The following MARCHF1 variants were observed in gnomAD, a reference collection of about 807,000 sequenced individuals.
MARCHF1 encodes membrane associated ring-CH-type finger 1.
A neutral mutation model predicts 54.2 loss-of-function variants in MARCHF1; 40 were observed. The observed-to-expected ratio is 0.74, with a 90% confidence interval of 0.57 to 0.96. The LOEUF (loss-of-function observed/expected upper bound fraction) is 0.96, where lower values mean the gene tolerates loss of function less well. MARCHF1 is among the 40% of genes least tolerant of loss of function. The pLI, the probability that MARCHF1 is intolerant of heterozygous loss-of-function variation, is 0.00. For missense variants in MARCHF1, 586 were observed against 656.5 expected, an observed-to-expected ratio of 0.89 and a Z score of 1.17; for synonymous variants, 236 against 236.3, an observed-to-expected ratio of 1.00 and a Z score of 0.01.
chr4:164,214,741 A>G lies in MARCHF1; in HGVS notation c.-322-103079T>C, dbSNP rs1404733962. Among the ~76,000 whole-genome samples, 9 of 152,382 alleles carry G rather than the reference A, an allele frequency of 5.9e-5. No homozygotes were observed. The East Asian group carries it at 1.7e-3, about 29-fold the overall frequency. The stretch of plus-strand genomic sequence containing the variant: ...AAAAAATTATAATGCCTTTTAAATT[A>G]TAACTCAATAATGCCTATAATGTGG... On this transcript the variant is annotated intron_variant, in intron 1 of 9. Transcript: ENST00000514618.
chr4:163,958,737 T>A (rs1752281404), intron 3 of MARCHF1, among the ~76,000 whole-genome samples: 1 of 151,986 alleles, frequency 6.6e-6, no homozygotes, highest in Non-Finnish European at 1.5e-5. Flanking sequence ...AAATTACAGG[T>A]AAAATTATTG....
At chr4:164,104,994 A>C (rs1172471600) in intron 2 of MARCHF1, among the ~76,000 whole-genome samples, 1 of 50,802 alleles carries the variant, frequency 2.0e-5, no homozygotes, top group East Asian at 3.1e-4. Context: ...GAGCCAAATC[A>C]TGAGTGAACT....
At position 163,612,554 on chromosome 4, in the gene MARCHF1, A is replaced by G. The variant is rs1741378481; in HGVS notation, c.727T>C (p.Cys243Arg). Residue 243 changes from cysteine to arginine, a missense_variant, in exon 7 of 10, where the codon TGC (cysteine) becomes CGC (arginine). By Grantham distance (180) the Cys-to-Arg change is radical. Coordinates refer to ENST00000514618, the MANE Select transcript of MARCHF1 (RefSeq NM_001394959.1). ...GACCCTTGAGTCAGAGAAGGGTTGC[A>G]TTCTTGGTACCTTGTATGTTTTCCT... ...HRGKHTRYQE[C>R]NPSLTQGSSE... The G allele has an allele frequency of 1.3e-6, 2 of 1,535,544 alleles. No individual in the cohort carries two copies. Among genetic ancestry groups the G allele is most frequent in the East Asian group, 2.4e-5 (1 of 40,880 alleles).
chr4:164,226,044 A>T (rs1732242953), intron 1 of MARCHF1, among the ~76,000 whole-genome samples: 1 of 151,600 alleles, frequency 6.6e-6, no homozygotes, highest in African/African-American at 2.4e-5. Flanking sequence ...TACACAATCA[A>T]CTCGCCTTCA....
intron 5 of MARCHF1, among the ~76,000 whole-genome samples, chr4:163,660,585 CTG>C (rs1434991091): frequency 6.7e-6 from 1 of 150,328 alleles, no homozygotes; most frequent in Non-Finnish European, 1.5e-5. Context: ...AAAAAAAAAA[CTG>C]TAATTGTTTG....
At chr4:163,645,484 C>T (rs1206072908) in intron 5 of MARCHF1, among the ~76,000 whole-genome samples, 3 of 152,112 alleles carry the variant, frequency 2.0e-5, no homozygotes, top group Non-Finnish European at 4.4e-5. Flanking sequence ...AACATGACAC[C>T]ACCAAAAGAA....
intron 4 of MARCHF1, among the ~76,000 whole-genome samples, chr4:163,792,269 A>C (rs2110942530): frequency 6.6e-6 from 1 of 152,306 alleles, no homozygotes; most frequent in South Asian, 2.1e-4. Context: ...CCAATAGCAA[A>C]ATATAAAGGA....
chr4:163,555,527 A>G (rs1560939479), intron 8 of MARCHF1, among the ~76,000 whole-genome samples: 1 of 152,110 alleles, frequency 6.6e-6, no homozygotes, highest in Non-Finnish European at 1.5e-5. Flanking sequence ...AAAATATTGA[A>G]TCAATACTTG....
chr4:164,100,811 C>T (rs565129747), intron 2 of MARCHF1, among the ~76,000 whole-genome samples: 5 of 152,206 alleles, frequency 3.3e-5, no homozygotes, highest in African/African-American at 9.7e-5. Flanking sequence ...GCTTGAGCTA[C>T]GCAGAAGACA....
intron 1 of MARCHF1, among the ~76,000 whole-genome samples, chr4:164,303,176 C>T (rs1035573722): frequency 1.1e-4 from 17 of 152,142 alleles, no homozygotes; most frequent in Admixed American, 2.6e-4. Context: ...TGTGAACATC[C>T]ACAGTTTCTG....
At chr4:163,868,574 T>C (rs1165730888) in intron 3 of MARCHF1, among the ~76,000 whole-genome samples, 1 of 152,014 alleles carries the variant, frequency 6.6e-6, no homozygotes, top group South Asian at 2.1e-4. Flanking sequence ...CACAAATGTA[T>C]GTATTTGTGT....
At chr4:164,123,651 C>A (rs952496522) in intron 1 of MARCHF1, among the ~76,000 whole-genome samples, 2 of 151,980 alleles carry the variant, frequency 1.3e-5, no homozygotes, top group Non-Finnish European at 2.9e-5. Context: ...ATCTACACAC[C>A]ACAGTGAACT....
rs181541115 is a variant in MARCHF1 at position 164,068,450 on chromosome 4, G to C, written c.-248+43138C>G. On this transcript the variant is annotated intron_variant, in intron 2 of 9. Transcript: ENST00000514618. ...GTGCGGCGCTTGTGGGCCAGCATGA[G>C]TTCTGGGTGGGCATGGGCTCGGCAG... Among the ~76,000 whole-genome samples the C allele has an allele frequency of 1.5e-4, 23 of 152,304 alleles. No homozygotes were observed. In the East Asian group the frequency reaches 4.3e-3, roughly 28 times the overall value.
rs144487672 is a variant in MARCHF1, at chr4:163,602,331, A to G, written c.1010+9940T>C. 7.4e-3 allele frequency among the ~76,000 whole-genome samples: 1,132 copies of G among 152,246 alleles called. 10 individuals carry two copies. The highest frequency in any genetic ancestry group is 0.026 in the African/African-American group (1,085 of 41,560). On this transcript the variant is annotated intron_variant, in intron 7 of 9. Coordinates refer to ENST00000514618, the MANE Select transcript of MARCHF1 (RefSeq NM_001394959.1). ...CGATTAAAATTATTCATATCAAGGA[A>G]ACAAATTAGTTTGAAAACACTGAAT...
At chr4:164,188,713 C>T in intron 1 of MARCHF1, 1 of 1,057,848 alleles carries the variant, frequency 9.5e-7, no homozygotes, top group South Asian at 1.3e-5. Context: ...AGCAGGACAT[C>T]AAGTTCTTGC....
intron 2 of MARCHF1, among the ~76,000 whole-genome samples, chr4:164,076,350 C>T (rs1025510604): frequency 6.6e-6 from 1 of 152,040 alleles, no homozygotes; most frequent in African/African-American, 2.4e-5. Context: ...AACCTTCATG[C>T]TAAAAACTGT....
At chr4:163,775,933 G>T (rs1747293373) in intron 4 of MARCHF1, among the ~76,000 whole-genome samples, 1 of 152,146 alleles carries the variant, frequency 6.6e-6, no homozygotes, top group Non-Finnish European at 1.5e-5. Context: ...CAGTGACCCA[G>T]TGAAATGGAA....
intron 4 of MARCHF1, among the ~76,000 whole-genome samples, chr4:163,761,400 C>T (rs1746821760): frequency 6.6e-6 from 1 of 152,130 alleles, no homozygotes; most frequent in Non-Finnish European, 1.5e-5. Flanking sequence ...TGGATCATAA[C>T]CTATATCATC....
chr4:164,108,259 T>C (rs1412404592), intron 2 of MARCHF1, among the ~76,000 whole-genome samples: 1 of 152,150 alleles, frequency 6.6e-6, no homozygotes, highest in Admixed American at 6.6e-5. Context: ...AAAGCATATA[T>C]GTAACATTAT....
Sources: gnomAD v4.1 joint callset for allele counts (sites outside exome capture counted in the v4.1 genomes callset) on GRCh38, gnomAD v4.1.1 for gene constraint, MANE v1.5 for transcripts, NCBI Gene and HGNC (gene_info 2026-07-23, HGNC 2026-07-21) for gene names.